The following RERG variants were observed in gnomAD, a reference collection of about 807,000 sequenced individuals.
The protein encoded by RERG is ras-related and estrogen-regulated growth inhibitor.
In RERG, 25 loss-of-function variants were observed where a neutral mutation model predicts 23.2. That is an observed-to-expected ratio of 1.08 (90% CI 0.79 to 1.50). The LOEUF is 1.50. Ranked by LOEUF, RERG falls within the 40% of genes most tolerant of loss-of-function variation. RERG has a pLI of 0.00. For synonymous variants in RERG, 81 were observed against 89.1 expected, an observed-to-expected ratio of 0.91 and a Z score of 0.51; for missense variants, 253 against 250.1, an observed-to-expected ratio of 1.01 and a Z score of -0.08.
chr12:15,146,576 C>T (rs2136104945), intron 2 of RERG, among the ~76,000 whole-genome samples: 1 of 152,318 alleles, frequency 6.6e-6, no homozygotes, highest in Admixed American at 6.5e-5. Flanking sequence ...GCTCTCACAG[C>T]TAGTCATGCT....
chr12:15,220,061 GAA>G (rs1308405754), intron 1 of RERG, among the ~76,000 whole-genome samples: 1 of 152,188 alleles, frequency 6.6e-6, no homozygotes, highest in Non-Finnish European at 1.5e-5. Context: ...ATGAAAATGT[GAA>G]AAGTTACATT....
intron 2 of RERG, among the ~76,000 whole-genome samples, chr12:15,197,026 G>C (rs1029357221): frequency 6.6e-6 from 1 of 152,084 alleles, no homozygotes; most frequent in South Asian, 2.1e-4. Context: ...TATTTATTAC[G>C]TGTCAGGCAA....
At chr12:15,130,991 C>T (rs1228048640) in intron 2 of RERG, among the ~76,000 whole-genome samples, 2 of 151,612 alleles carry the variant, frequency 1.3e-5, no homozygotes, top group Non-Finnish European at 2.9e-5. Context: ...GGCTGACACA[C>T]GATGAGGGGA....
intron 1 of RERG, chr12:15,217,999 T>C (rs1865465412): frequency 1.3e-5 from 2 of 153,026 alleles, no homozygotes; most frequent in African/African-American, 4.8e-5. Context: ...CTTTTGGGCC[T>C]CTTCATGTCT....
chr12:15,165,085 G>T (rs1270482940), intron 2 of RERG, among the ~76,000 whole-genome samples: 1 of 152,190 alleles, frequency 6.6e-6, no homozygotes, highest in Non-Finnish European at 1.5e-5. Context: ...AATTGATTCT[G>T]AGGACACGAT....
At chr12:15,114,482 T>C (rs932023767) in intron 3 of RERG, 2 of 152,172 alleles carry the variant, frequency 1.3e-5, no homozygotes, top group Admixed American at 1.3e-4. Context: ...ATATATCAAA[T>C]GATGTTCTAC....
chr12:15,172,737 G>A (rs990539873), intron 2 of RERG, among the ~76,000 whole-genome samples: 2 of 152,052 alleles, frequency 1.3e-5, no homozygotes, highest in Non-Finnish European at 1.5e-5. Context: ...GCTAATCAAT[G>A]TGAACATCTT....
chr12:15,109,170 G>T lies in RERG; in HGVS notation c.540C>A (p.Arg180=). ...CTTGCTTGACATGCGTGGTGGAGCT[G>T]CGTCGCCTCGTCTTGCCCTGCACCA... ...RRMVQGKTRR[R]SSTTHVKQAI... Residue 180 remains arginine, a synonymous_variant, in exon 5 of 5, where the codon CGC becomes CGA. Coordinates refer to ENST00000256953, the MANE Select transcript of RERG (RefSeq NM_032918.3). 6.2e-7 allele frequency: 1 copy of T among 1,610,318 alleles called. No homozygotes were observed.
At position 15,198,254 on chromosome 12, in the gene RERG, G is replaced by A. The variant is rs945519934; in HGVS notation, c.61+19175C>T. Among the ~76,000 whole-genome samples the A allele has an allele frequency of 1.2e-4, 18 of 152,022 alleles. No individual in the cohort carries two copies. The East Asian group carries it at 1.4e-3, about 11-fold the overall frequency. On this transcript the variant is annotated intron_variant, in intron 2 of 4. Coordinates refer to ENST00000256953, the MANE Select transcript of RERG (RefSeq NM_032918.3). ...CTCTCAATGCACCCCTTTCTTGGTC[G>A]AAAGGGGTGCAGAACTCAACTCCAT...
intron 2 of RERG, among the ~76,000 whole-genome samples, chr12:15,139,419 G>A (rs1864198515): frequency 2.6e-5 from 4 of 152,016 alleles, no homozygotes; most frequent in African/African-American, 9.7e-5. Flanking sequence ...GGAAGAACAG[G>A]CATCTTAACA....
intron 2 of RERG, among the ~76,000 whole-genome samples, chr12:15,125,274 G>A (rs10846141): frequency 0.63 from 95,305 of 151,710 alleles, 30,376 homozygotes; most frequent in Admixed American, 0.73. Flanking sequence ...ACTTTAGTCC[G>A]TTATGGGTTG....
At position 15,109,283 on chromosome 12, in the gene RERG, C is replaced by G; in HGVS notation, c.427G>C (p.Ala143Pro). 6.2e-7 allele frequency: 1 copy of G among 1,614,168 alleles called. No homozygotes were observed. The highest frequency in any genetic ancestry group is 8.5e-7 in the Non-Finnish European group (1 of 1,180,026). Residue 143 changes from alanine to proline, a missense_variant, in exon 5 of 5, where the codon GCT becomes CCT. By Grantham distance (27) the Ala-to-Pro change is conservative. Coordinates refer to ENST00000256953, the MANE Select transcript of RERG (RefSeq NM_032918.3). The part of the protein sequence containing the change: ...GEKLATELAC[A>P]FYECSACTGE... ...GTGCAGGCAGAGCACTCGTAAAAAG[C>G]ACAAGCCAATTCTGTGGCCAGCTTC...
chr12:15,197,946 T>C (rs903531780), intron 2 of RERG, among the ~76,000 whole-genome samples: 5 of 152,136 alleles, frequency 3.3e-5, no homozygotes, highest in African/African-American at 1.2e-4. Flanking sequence ...TTTCCTCCTG[T>C]GTCACCAGCT....
Position 15,158,742 on chromosome 12 carries a change from G to A in RERG, c.62-37623C>T, listed in dbSNP as rs1266038148. Among the ~76,000 whole-genome samples the A allele has an allele frequency of 3.3e-5, 5 of 152,250 alleles. No individual in the cohort carries two copies. The East Asian group carries it at 5.8e-4, about 18-fold the overall frequency. On this transcript the variant is annotated intron_variant, in intron 2 of 4. Coordinates refer to ENST00000256953, the MANE Select transcript of RERG (RefSeq NM_032918.3). ...GGATTAGGTATTTTGGGGCAGAAAT[G>A]CTACAGAACGATGTGTGTCCTTCTT...
rs529481993 is a variant in RERG, at chr12:15,176,835, C to T, written c.61+40594G>A. ...AGATTTCTTCTTCCATTGTGAAATG[C>T]GTTATTTTCAAATATCTTTCTGATA... On this transcript the variant is annotated intron_variant, in intron 2 of 4. Transcript: ENST00000256953. Among the ~76,000 whole-genome samples the T allele has an allele frequency of 5.3e-4, 80 of 152,210 alleles. 1 individual carries two copies. Among genetic ancestry groups the T allele is most frequent in the African/African-American group, 1.6e-3 (65 of 41,556 alleles).
intron 2 of RERG, among the ~76,000 whole-genome samples, chr12:15,195,891 GC>G (rs893389138): frequency 9.9e-5 from 15 of 152,156 alleles, no homozygotes; most frequent in African/African-American, 3.6e-4. Context: ...AAGGTGAAAA[GC>G]CACTCCACCA....
At chr12:15,141,120 C>T (rs1864231000) in intron 2 of RERG, among the ~76,000 whole-genome samples, 1 of 148,344 alleles carries the variant, frequency 6.7e-6, no homozygotes, top group South Asian at 2.1e-4. Context: ...TTTCCCTTCA[C>T]ATTTTATTTT....
intron 2 of RERG, among the ~76,000 whole-genome samples, chr12:15,200,951 C>T (rs1401493589): frequency 2.6e-5 from 4 of 151,846 alleles, no homozygotes; most frequent in Non-Finnish European, 5.9e-5. Flanking sequence ...TTCCATCCTC[C>T]TCCCTTAACA....
intron 2 of RERG, among the ~76,000 whole-genome samples, chr12:15,127,713 T>C (rs1863972974): frequency 1.3e-5 from 2 of 152,222 alleles, no homozygotes; most frequent in Non-Finnish European, 2.9e-5. Context: ...GAACTAAATA[T>C]CCATTTATTA....
Sources: gnomAD v4.1 joint callset for allele counts (sites outside exome capture counted in the v4.1 genomes callset) on GRCh38, gnomAD v4.1.1 for gene constraint, MANE v1.5 for transcripts, NCBI Gene and HGNC (gene_info 2026-07-23, HGNC 2026-07-21) for gene names.